The following PHC2 variants were observed in gnomAD, a reference collection of about 807,000 sequenced individuals.
PHC2 encodes polyhomeotic-like protein 2.
Under a neutral mutation model 87.4 loss-of-function variants are expected in PHC2, and 29 were observed. The ratio of observed to expected loss-of-function variants is 0.33; its 90% CI spans 0.25 to 0.45. The LOEUF (loss-of-function observed/expected upper bound fraction) is 0.45, where lower values mean the gene tolerates loss of function less well. Among genes scored for constraint, PHC2 ranks in the 20% least tolerant of loss-of-function variants. The pLI is 1.00. For synonymous variants in PHC2, 438 were observed against 461.7 expected (o/e 0.95, Z 0.66); for missense variants, 857 against 1,136.7 (o/e 0.75, Z 3.54).
At chr1:33,421,915 G>A (rs931824538) in intron 1 of PHC2, among the ~76,000 whole-genome samples, 2 of 152,272 alleles carry the variant, frequency 1.3e-5, no homozygotes, top group South Asian at 4.1e-4. Flanking sequence ...ATCTGATCTC[G>A]TTACTCCTAA....
Position 33,370,402 on chromosome 1 carries a change from C to A in PHC2, c.576+19G>T. On this transcript the variant is annotated intron_variant, in intron 5 of 14. Transcript: ENST00000683057. Reference sequence around the variant, plus strand: ...CCTCCTGGTGCCTCTGAGCCATGGCCCTGGCCATGGGTACTCACCATCTGT... The same window carrying A: ...CCTCCTGGTGCCTCTGAGCCATGGCACTGGCCATGGGTACTCACCATCTGT... 1.2e-6 allele frequency: 2 copies of A among 1,605,466 alleles called. No individual in the cohort carries two copies. Among genetic ancestry groups the A allele is most frequent in the Non-Finnish European group, 1.7e-6 (2 of 1,173,368 alleles).
intron 7 of PHC2, among the ~76,000 whole-genome samples, chr1:33,362,666 C>T (rs1367630865): frequency 2.0e-5 from 3 of 152,234 alleles, no homozygotes; most frequent in Admixed American, 6.5e-5. Context: ...CCCGCTTACA[C>T]ACACAGATGG....
intron 9 of PHC2, among the ~76,000 whole-genome samples, chr1:33,344,790 G>A (rs371052257): frequency 1.3e-5 from 2 of 151,744 alleles, no homozygotes; most frequent in African/African-American, 4.8e-5. Flanking sequence ...TTAATTATCT[G>A]TAGAGGCGAG....
chr1:33,359,828 CT>C (rs1647162280), intron 7 of PHC2, among the ~76,000 whole-genome samples: 1 of 152,194 alleles, frequency 6.6e-6, no homozygotes, highest in Non-Finnish European at 1.5e-5. Flanking sequence ...GCATAAAATA[CT>C]ATGGTGAATT....
rs1264383654 is a variant in PHC2 at position 33,369,454 on chromosome 1, C to T, written c.577-832G>A. On this transcript the variant is annotated intron_variant, in intron 5 of 14. Transcript: ENST00000683057. This position sits in a 1 kb window ranked among gnomAD's most constrained non-coding sequence, Gnocchi z 4.7. Reference sequence around the variant, plus strand: ...GACATAGGGACAAGCAACCTGCAGACACAGTCAGCTTTGGGCAGCAGCATC... The same window carrying T: ...GACATAGGGACAAGCAACCTGCAGATACAGTCAGCTTTGGGCAGCAGCATC... Among the ~76,000 whole-genome samples the T allele has an allele frequency of 1.3e-5, 2 of 152,212 alleles. No homozygotes were observed. Among genetic ancestry groups the T allele is most frequent in the African/African-American group, 2.4e-5 (1 of 41,446 alleles).
rs1303567965 is a variant in PHC2, at chr1:33,323,980, C to G, written c.*885G>C. The G allele has an allele frequency of 6.6e-6, 1 of 152,360 alleles. No homozygotes were observed. Among genetic ancestry groups the G allele is most frequent in the Non-Finnish European group, 1.5e-5 (1 of 68,122 alleles). The allele number at this position is 152,360 out of a possible 1,614,324, so 9.4% of individuals were successfully genotyped here. A position where few individuals can be genotyped will look rare whatever the true frequency, so the allele number is the denominator to read the frequency against. On this transcript the variant is annotated 3_prime_UTR_variant, in exon 15 of 15. Coordinates refer to ENST00000683057, the MANE Select transcript of PHC2 (RefSeq NM_001385109.1). ...GGGCGGGCAGGCAGGCCAGGAGGCT[C>G]AGCCCTTTGGGCTATGTTGCTCAGA... is the stretch of plus-strand genomic sequence containing the variant.
intron 7 of PHC2, 57 bp downstream of exon 7, chr1:33,367,059 C>A (rs1647493258): frequency 1.4e-6 from 2 of 1,448,086 alleles, no homozygotes; most frequent in Admixed American, 3.8e-5. Context: ...AAAGTCTCCT[C>A]CTGACTCACG....
intron 2 of PHC2, among the ~76,000 whole-genome samples, chr1:33,374,784 C>G (rs1403813470): frequency 6.6e-6 from 1 of 152,210 alleles, no homozygotes; most frequent in African/African-American, 2.4e-5. Context: ...TTATTACCTT[C>G]TCTGAGCCCC....
intron 13 of PHC2, 145 bp from the exon 14 acceptor site, chr1:33,329,291 C>T (rs1169473774): frequency 1.4e-6 from 1 of 735,940 alleles, no homozygotes; most frequent in African/African-American, 1.8e-5. Flanking sequence ...CCATGCTGTC[C>T]TGTCTCCTAC....
At position 33,328,967 on chromosome 1, in the gene PHC2, A is replaced by T; in HGVS notation, c.2328T>A (p.His776Gln). 1 of 1,614,072 alleles carries T rather than the reference A, an allele frequency of 6.2e-7. No homozygotes were observed. Among genetic ancestry groups the T allele is most frequent in the South Asian group, 1.1e-5 (1 of 91,078 alleles). ...GTCCCATGCCCACCAGGTCCCGCAT[A>T]TGCATGTCGGGGAGCTCCAGGTCCC... Reference protein sequence around the residue: ...GQRDLELPDMHMRDLVGMGHH... With the variant: ...GQRDLELPDMQMRDLVGMGHH... Residue 776 changes from histidine (H) to glutamine (Q), a missense_variant, in exon 14 of 15, where the codon CAT becomes CAA. His to Gln is a conservative substitution (Grantham distance 24, BLOSUM62 0). Coordinates refer to ENST00000683057, the MANE Select transcript of PHC2 (RefSeq NM_001385109.1).
At chr1:33,404,338 G>A (rs914278180) in intron 1 of PHC2, among the ~76,000 whole-genome samples, 2 of 152,072 alleles carry the variant, frequency 1.3e-5, no homozygotes, top group South Asian at 2.1e-4. Flanking sequence ...GGTGATGCCT[G>A]TAAGTTGAAA....
intron 7 of PHC2, among the ~76,000 whole-genome samples, chr1:33,356,261 A>ATG (rs1647074126): frequency 1.2e-5 from 1 of 85,680 alleles, no homozygotes; most frequent in Non-Finnish European, 2.5e-5. Context: ...ATATATATAT[A>ATG]TATATATATA....
At chr1:33,425,703 G>A (rs1422970964) in intron 1 of PHC2, among the ~76,000 whole-genome samples, 1 of 152,232 alleles carries the variant, frequency 6.6e-6, no homozygotes, top group Non-Finnish European at 1.5e-5. Flanking sequence ...TTACACAGCA[G>A]TGGATAACTA....
rs1439628054 is a variant in PHC2, at chr1:33,349,869, T to C, written c.1558+4532A>G. The stretch of plus-strand genomic sequence containing the variant: ...TTGCGCGCGCGCGCGCGGCGGGCGC[T>C]CGAGGGCTGCAGCCGCCGCGGAGAC... On this transcript the variant is annotated intron_variant, in intron 9 of 14. Transcript: ENST00000683057. The surrounding 1 kb of genome is among the most constrained non-coding windows in gnomAD (Gnocchi z 4.2). 116 of 973,022 alleles carry C rather than the reference T, an allele frequency of 1.2e-4. No homozygotes were observed. The highest frequency in any genetic ancestry group is 1.4e-4 in the Non-Finnish European group (112 of 824,798). 60.3% of individuals were successfully genotyped at this position (973,022 alleles called of 1,614,324 possible).
At chr1:33,351,479 A>G (rs1168902707) in intron 9 of PHC2, among the ~76,000 whole-genome samples, 1 of 152,162 alleles carries the variant, frequency 6.6e-6, no homozygotes, top group Non-Finnish European at 1.5e-5. Flanking sequence ...TAGCTTTTAA[A>G]TGACTTACCT....
chr1:33,370,383 G>C (rs957573625), intron 5 of PHC2, 38 bp downstream of exon 5: 1 of 1,585,394 alleles, frequency 6.3e-7, no homozygotes, highest in Admixed American at 1.7e-5. Flanking sequence ...CTGTCCTCCT[G>C]GTGCCTCTGA....
At chr1:33,344,453 A>G (rs1388041407) in intron 9 of PHC2, among the ~76,000 whole-genome samples, 2 of 152,200 alleles carry the variant, frequency 1.3e-5, no homozygotes, top group East Asian at 3.9e-4. Context: ...AATCAGTTCT[A>G]TTGATCATTT....
intron 1 of PHC2, among the ~76,000 whole-genome samples, chr1:33,383,269 C>CAGA (rs1044344230): frequency 1.3e-5 from 2 of 152,140 alleles, no homozygotes; most frequent in African/African-American, 4.8e-5. Flanking sequence ...GGATGCAGCT[C>CAGA]AAACCATCTC....
chr1:33,391,978 G>C (rs958722761), intron 1 of PHC2, among the ~76,000 whole-genome samples: 1 of 152,194 alleles, frequency 6.6e-6, no homozygotes, highest in Non-Finnish European at 1.5e-5. Context: ...AGATAAGGGA[G>C]GTTAGAGGCG....
Sources: allele counts gnomAD v4.1 joint callset (sites outside exome capture counted in the v4.1 genomes callset), GRCh38; gene constraint gnomAD v4.1.1; non-coding constraint Gnocchi (gnomAD v3.1); transcripts MANE v1.5; gene names NCBI Gene and HGNC (gene_info 2026-07-23, HGNC 2026-07-21).